Variants in PID1 observed in about 807,000 individuals in gnomAD.
PID1 encodes the protein PTB-containing, cubilin and LRP1-interacting protein.
A neutral mutation model predicts 19.1 loss-of-function variants in PID1; 10 were observed. That is an observed-to-expected ratio of 0.52 (90% CI 0.32 to 0.89). The LOEUF (loss-of-function observed/expected upper bound fraction) is 0.89. Among genes scored for constraint, PID1 ranks in the 40% least tolerant of loss-of-function variants. The pLI is 0.03. For synonymous variants in PID1, 130 were observed against 116.0 expected (o/e 1.12, Z -0.78); for missense variants, 248 against 285.3 (o/e 0.87, Z 0.94).
chr2:229,094,071 T>C (rs776897102), intron 2 of PID1, among the ~76,000 whole-genome samples: 29 of 152,192 alleles, frequency 1.9e-4, no homozygotes, highest in African/African-American at 4.3e-4. Flanking sequence ...AAAAGATTCC[T>C]AGATTTAATA....
rs557426867 is a variant in PID1 at position 229,264,580 on chromosome 2, C to T, written c.30+6434G>A. Among the ~76,000 whole-genome samples, 10 of 152,260 alleles carry T rather than the reference C, an allele frequency of 6.6e-5. No individual in the cohort carries two copies. In the East Asian group the frequency reaches 1.2e-3, roughly 18 times the overall value. On this transcript the variant is annotated intron_variant, in intron 1 of 2. Coordinates refer to ENST00000392055, the MANE Select transcript of PID1 (RefSeq NM_001100818.2). ...ACTGTAAAGACAATTGCATTCTGTG[C>T]GTCGCACTTTCCTATACATTGAGAA...
chr2:229,154,257 C>A (rs993493652), intron 2 of PID1, among the ~76,000 whole-genome samples: 1 of 152,066 alleles, frequency 6.6e-6, no homozygotes, highest in Non-Finnish European at 1.5e-5. Context: ...CCACAAGACT[C>A]TTTTCCCCCC....
chr2:229,155,710 A>G, intron 2 of PID1, 108 bp downstream of exon 2: 2 of 1,018,904 alleles, frequency 2.0e-6, no homozygotes, highest in Non-Finnish European at 2.8e-6. Context: ...TGGTCATTTT[A>G]TATTTTCATT....
chr2:229,256,100 G>A (rs1690287585), intron 1 of PID1, among the ~76,000 whole-genome samples: 1 of 152,154 alleles, frequency 6.6e-6, no homozygotes, highest in African/African-American at 2.4e-5. Flanking sequence ...TGAAGGAGCT[G>A]AACTACATTG....
chr2:229,132,283 G>C (rs1439634313), intron 2 of PID1, among the ~76,000 whole-genome samples: 1 of 152,172 alleles, frequency 6.6e-6, no homozygotes, highest in African/African-American at 2.4e-5. Flanking sequence ...TGTGACATCA[G>C]GAAGAAGGGG....
chr2:229,026,215 G>T, intron 2 of PID1, 107 bp from the exon 3 acceptor site: 1 of 754,056 alleles, frequency 1.3e-6, no homozygotes. Context: ...ACATTGGGAA[G>T]GTGAAGACAC....
intron 1 of PID1, among the ~76,000 whole-genome samples, chr2:229,189,241 C>A (rs1406799570): frequency 6.6e-6 from 1 of 152,200 alleles, no homozygotes; most frequent in Non-Finnish European, 1.5e-5. Flanking sequence ...CATGGAGCTG[C>A]ACCCAACCCT....
At chr2:229,233,186 T>C (rs909373468) in intron 1 of PID1, among the ~76,000 whole-genome samples, 17 of 152,294 alleles carry the variant, frequency 1.1e-4, no homozygotes, top group South Asian at 8.3e-4. Context: ...ATCAGAATGG[T>C]TAAAATTGCC....
intron 2 of PID1, among the ~76,000 whole-genome samples, chr2:229,072,881 G>A (rs1055821101): frequency 8.5e-5 from 13 of 152,170 alleles, no homozygotes; most frequent in African/African-American, 2.9e-4. Flanking sequence ...AGGTGTTAGA[G>A]TGCTTGTGAA....
At chr2:229,235,429 C>T (rs775583666) in intron 1 of PID1, among the ~76,000 whole-genome samples, 3 of 151,592 alleles carry the variant, frequency 2.0e-5, no homozygotes, top group African/African-American at 7.3e-5. Context: ...CAAGGAGACA[C>T]GAGAAAGGGA....
chr2:229,234,349 G>A (rs189091874), intron 1 of PID1, among the ~76,000 whole-genome samples: 1 of 139,236 alleles, frequency 7.2e-6, no homozygotes, highest in Admixed American at 7.3e-5. Flanking sequence ...TCTTTTAAAT[G>A]TAGAAGAGGG....
intron 2 of PID1, among the ~76,000 whole-genome samples, chr2:229,085,890 TC>T (rs1694754633): frequency 6.6e-6 from 1 of 152,110 alleles, no homozygotes; most frequent in Non-Finnish European, 1.5e-5. Context: ...GATTAAAGCT[TC>T]TGAAAAATCA....
rs189284272 is a variant in PID1 at position 229,086,224 on chromosome 2, G to A, written c.178-60116C>T. 5.3e-5 allele frequency among the ~76,000 whole-genome samples: 8 copies of A among 152,174 alleles called. No individual in the cohort carries two copies. In the East Asian group the frequency reaches 1.4e-3, roughly 26 times the overall value. On this transcript the variant is annotated intron_variant, in intron 2 of 2. Transcript: ENST00000392055. ...TTACATTCCAATAAACCCATTGAAA[G>A]GTGAAAATATCATTACATCAAAAAT...
At chr2:229,108,815 T>C (rs1169545391) in intron 2 of PID1, among the ~76,000 whole-genome samples, 3 of 152,150 alleles carry the variant, frequency 2.0e-5, no homozygotes, top group Admixed American at 1.3e-4. Flanking sequence ...CATCTTCTGC[T>C]ACTGCTGCTG....
chr2:229,126,067 G>A (rs563220689), intron 2 of PID1, among the ~76,000 whole-genome samples: 15 of 152,146 alleles, frequency 9.9e-5, no homozygotes, highest in African/African-American at 1.7e-4. Flanking sequence ...AAGCCATCCC[G>A]CAAAGATCCT....
chr2:229,236,327 C>G (rs77831309), intron 1 of PID1: 1 of 152,098 alleles, frequency 6.6e-6, no homozygotes, highest in African/African-American at 2.4e-5. Context: ...GGCCACCTCA[C>G]GATGGCAGGT....
chr2:229,225,433 T>C (rs1478882062), intron 1 of PID1, among the ~76,000 whole-genome samples: 1 of 152,044 alleles, frequency 6.6e-6, no homozygotes, highest in African/African-American at 2.4e-5. Flanking sequence ...ATAGGAGACA[T>C]GGGAAAAACA....
At chr2:229,085,805 A>G (rs1694752856) in intron 2 of PID1, among the ~76,000 whole-genome samples, 4 of 152,128 alleles carry the variant, frequency 2.6e-5, no homozygotes, top group Admixed American at 2.6e-4. Context: ...ACCAAATAAT[A>G]TTAATCCACA....
chr2:229,255,597 TC>T (rs1170073893), intron 1 of PID1, among the ~76,000 whole-genome samples: 2 of 152,190 alleles, frequency 1.3e-5, no homozygotes, highest in Non-Finnish European at 2.9e-5. Context: ...CCTCTACATG[TC>T]CTCCATTTTT....
Sources: allele counts gnomAD v4.1 joint callset (sites outside exome capture counted in the v4.1 genomes callset), GRCh38; gene constraint gnomAD v4.1.1; transcripts MANE v1.5; gene names NCBI Gene and HGNC (gene_info 2026-07-23, HGNC 2026-07-21).